Variants in EYS observed in about 807,000 individuals in gnomAD.
The protein encoded by EYS is protein eyes shut homolog.
A neutral mutation model predicts 282.1 loss-of-function variants in EYS; 250 were observed. That is an observed-to-expected ratio of 0.89 (90% confidence interval 0.80 to 0.98). EYS has a LOEUF of 0.98. Ranked by LOEUF, EYS falls within the 50% of genes least tolerant of loss-of-function variation. The pLI is 0.00. For synonymous variants in EYS, 1,355 were observed against 1,282.9 expected, an observed-to-expected ratio of 1.06 and a Z score of -1.20; for missense variants, 4,016 against 3,709.0, an observed-to-expected ratio of 1.08 and a Z score of -2.15.
chr6:64,699,767 C>T (rs2149922904), intron 22 of EYS, among the ~76,000 whole-genome samples: 1 of 152,096 alleles, frequency 6.6e-6, no homozygotes, highest in South Asian at 2.1e-4. Context: ...ATCAAATCTA[C>T]AAAGAAAAAC....
At chr6:65,152,001 T>C (rs1186060771) in intron 12 of EYS, among the ~76,000 whole-genome samples, 1 of 151,976 alleles carries the variant, frequency 6.6e-6, no homozygotes, top group Non-Finnish European at 1.5e-5. Flanking sequence ...GAGATCAATG[T>C]TAGTGAAAAT....
intron 35 of EYS, among the ~76,000 whole-genome samples, chr6:63,879,053 G>A (rs940870841): frequency 1.3e-5 from 2 of 152,160 alleles, no homozygotes; most frequent in Admixed American, 6.5e-5. Context: ...CACGTTGGGA[G>A]CTGTAGACTG....
intron 28 of EYS, among the ~76,000 whole-genome samples, chr6:64,401,156 A>T (rs968487539): frequency 3.3e-5 from 5 of 152,086 alleles, no homozygotes; most frequent in African/African-American, 1.2e-4. Context: ...TTCTGTAGAT[A>T]AATATTCAAA....
intron 30 of EYS, among the ~76,000 whole-genome samples, chr6:64,276,635 T>TAAC (rs752646859): frequency 2.0e-5 from 3 of 152,170 alleles, no homozygotes; most frequent in South Asian, 2.1e-4. Flanking sequence ...GCTAGACATG[T>TAAC]AACAAGGCTT....
intron 31 of EYS, among the ~76,000 whole-genome samples, chr6:64,112,249 T>C (rs1773227046): frequency 6.6e-6 from 1 of 152,092 alleles, no homozygotes; most frequent in Admixed American, 6.6e-5. Flanking sequence ...TTCTCAGTGA[T>C]AGAATCACAA....
rs533909681 is a variant in EYS at position 65,495,070 on chromosome 6, C to T, written c.341G>A (p.Cys114Tyr). Residue 114 changes from cysteine to tyrosine, a missense_variant, in exon 4 of 43, where the codon TGT becomes TAT. Transcript: ENST00000503581. ...MNVSETSFVG[C>Y]VQNTTTEDQL... ...ATCTTCCGTTGTGGTATTTTGCACA[C>T]AGCCAACGAAAGATGTTTCAGAAAC... 9 of 1,614,184 alleles carry T rather than the reference C, an allele frequency of 5.6e-6. No homozygotes were observed. In the Admixed American group the frequency reaches 1.2e-4, roughly 21 times the overall value.
chr6:64,882,678 T>G (rs1274975745), intron 19 of EYS, among the ~76,000 whole-genome samples: 2 of 151,702 alleles, frequency 1.3e-5, no homozygotes, highest in Non-Finnish European at 3.0e-5. Flanking sequence ...TTATTACAGA[T>G]GCATAATGTG....
chr6:63,746,844 G>C (rs191690998), intron 41 of EYS, among the ~76,000 whole-genome samples: 1 of 151,972 alleles, frequency 6.6e-6, no homozygotes. Context: ...AGTCTGGCTA[G>C]CAATCTATCT....
chr6:65,412,861 G>A (rs1767077714), intron 5 of EYS, among the ~76,000 whole-genome samples: 1 of 152,014 alleles, frequency 6.6e-6, no homozygotes, highest in African/African-American at 2.4e-5. Context: ...TCTTTTATGA[G>A]TTGTGCTTTT....
intron 2 of EYS, among the ~76,000 whole-genome samples, chr6:65,617,131 T>A (rs1344236128): frequency 3.3e-5 from 5 of 152,166 alleles, no homozygotes; most frequent in Admixed American, 3.3e-4. Context: ...TGTGCTTGTT[T>A]CTGCAGATAT....
chr6:64,319,953 G>C lies in EYS; in HGVS notation c.6079-12871C>G, dbSNP rs1054245604. Among the ~76,000 whole-genome samples the C allele has an allele frequency of 1.3e-5, 2 of 152,012 alleles. 1 individual carries two copies. The highest frequency in any genetic ancestry group is 4.1e-4 in the South Asian group (2 of 4,822). On this transcript the variant is annotated intron_variant, in intron 29 of 42. Transcript: ENST00000503581. Reference sequence around the variant, plus strand: ...TGGTATCATTTTCCTGACACCTGAAGAGCTTCCTTTAACACATCTTATAAT... The same window carrying C: ...TGGTATCATTTTCCTGACACCTGAACAGCTTCCTTTAACACATCTTATAAT...
intron 5 of EYS, among the ~76,000 whole-genome samples, chr6:65,424,680 C>T (rs1336548720): frequency 1.3e-5 from 2 of 151,986 alleles, no homozygotes; most frequent in African/African-American, 4.8e-5. Flanking sequence ...TATTTTGCTG[C>T]TACCTCAGAA....
intron 2 of EYS, among the ~76,000 whole-genome samples, chr6:65,519,330 A>T (rs1190962106): frequency 6.6e-6 from 1 of 151,362 alleles, no homozygotes; most frequent in Non-Finnish European, 1.5e-5. Context: ...GGCAAATTAA[A>T]CTTTAAATGA....
rs139045689 is a variant in EYS, at chr6:64,697,731, C to T, written c.3444-71486G>A. On this transcript the variant is annotated intron_variant, in intron 22 of 42. Coordinates refer to ENST00000503581, the MANE Select transcript of EYS (RefSeq NM_001142800.2). ...GGCTGAGGCAGGTGGATCATGAGGT[C>T]AAGAGATTGAGACCAACCTGGCTAA... Among the ~76,000 whole-genome samples, 694 of 152,128 alleles carry T rather than the reference C, an allele frequency of 4.6e-3. 5 individuals carry two copies. The highest frequency in any genetic ancestry group is 0.016 in the African/African-American group (647 of 41,512).
chr6:64,126,512 C>T (rs1208795516), intron 31 of EYS, among the ~76,000 whole-genome samples: 1 of 151,962 alleles, frequency 6.6e-6, no homozygotes, highest in African/African-American at 2.4e-5. Flanking sequence ...AGATATCTTA[C>T]TAATTTGTTG....
intron 26 of EYS, among the ~76,000 whole-genome samples, chr6:64,450,044 T>G (rs888838929): frequency 1.3e-5 from 2 of 151,824 alleles, no homozygotes; most frequent in Non-Finnish European, 2.9e-5. Context: ...ATGCTCCAAT[T>G]AAAAGGCACA....
chr6:63,870,525 G>A (rs1415966727), intron 35 of EYS, among the ~76,000 whole-genome samples: 1 of 152,132 alleles, frequency 6.6e-6, no homozygotes, highest in Non-Finnish European at 1.5e-5. Context: ...TTTGCAATGA[G>A]AATTTAATTT....
intron 31 of EYS, among the ~76,000 whole-genome samples, chr6:64,161,324 T>C (rs182294051): frequency 3.9e-5 from 6 of 152,326 alleles, no homozygotes; most frequent in Non-Finnish European, 8.8e-5. Context: ...ACATTGTTGA[T>C]AACTGAGAAC....
intron 31 of EYS, among the ~76,000 whole-genome samples, chr6:64,179,184 C>T (rs1764719034): frequency 6.6e-6 from 1 of 151,880 alleles, no homozygotes; most frequent in Non-Finnish European, 1.5e-5. Context: ...GAGCTAGTTC[C>T]TTTGGGTACA....
Sources: allele counts gnomAD v4.1 joint callset (sites outside exome capture counted in the v4.1 genomes callset), GRCh38; gene constraint gnomAD v4.1.1; transcripts MANE v1.5; gene names NCBI Gene and HGNC (gene_info 2026-07-23, HGNC 2026-07-21).